NFILZ: variants seen among roughly 807,000 people sequenced by gnomAD.
NFILZ encodes the protein NFIL3 like protein.
In NFILZ at chr19:8,680,897, T is replaced by C. The variant is rs2043143311; in HGVS notation, c.*3262T>C. On this transcript the variant is annotated 3_prime_UTR_variant, in exon 6 of 6. Transcript: ENST00000691075. Reference sequence around the variant, plus strand: ...CCTGAGGTGGGATAGTGCCTAGTGTTTTGAGGAAGATTGAGGAGGCCCATG... The same window carrying C: ...CCTGAGGTGGGATAGTGCCTAGTGTCTTGAGGAAGATTGAGGAGGCCCATG... Among the ~76,000 whole-genome samples the C allele has an allele frequency of 6.6e-6, 1 of 151,744 alleles. No homozygotes were observed.
At chr19:8,661,929 G>A (rs2043033572) in intron 3 of NFILZ, among the ~76,000 whole-genome samples, 1 of 152,078 alleles carries the variant, frequency 6.6e-6, no homozygotes, top group African/African-American at 2.4e-5. Context: ...GCCAGGCGAG[G>A]TGGTTCACAC....
chr19:8,659,708 A>G (rs1356810537), intron 3 of NFILZ, among the ~76,000 whole-genome samples: 2 of 152,166 alleles, frequency 1.3e-5, no homozygotes, highest in African/African-American at 4.8e-5. Context: ...AATGAGTTGG[A>G]TGATGCCAAC....
chr19:8,647,795 G>GCGCA (rs1189605746), intron 3 of NFILZ, among the ~76,000 whole-genome samples: 153 of 76,330 alleles, frequency 2.0e-3, no homozygotes, highest in East Asian at 9.8e-3. Flanking sequence ...GCGCGCGCGC[G>GCGCA]CACACACACA....
chr19:8,663,106 C>A (rs1555749321), intron 3 of NFILZ, among the ~76,000 whole-genome samples: 1 of 151,834 alleles, frequency 6.6e-6, no homozygotes, highest in East Asian at 1.9e-4. Flanking sequence ...TGTCACCATG[C>A]CTGGGTTTTG....
chr19:8,667,002 G>C (rs1373559740), intron 3 of NFILZ, among the ~76,000 whole-genome samples: 5 of 148,562 alleles, frequency 3.4e-5, no homozygotes, highest in Non-Finnish European at 1.5e-5. Flanking sequence ...CTCCTGCCTC[G>C]GCCTCCCAAA....
At chr19:8,670,162 G>A (rs2043080164) in intron 3 of NFILZ, among the ~76,000 whole-genome samples, 1 of 151,790 alleles carries the variant, frequency 6.6e-6, no homozygotes, top group African/African-American at 2.4e-5. Context: ...GAGTGCAGTG[G>A]TACATCACAG....
chr19:8,634,890 CAAACAAACAAACA>C (rs1183175677), intron 2 of NFILZ, among the ~76,000 whole-genome samples: 2 of 151,016 alleles, frequency 1.3e-5, no homozygotes, highest in Non-Finnish European at 3.0e-5. Flanking sequence ...AACAAACAAA[CAAACAAACAAACA>C]AAAAAACAAA....
chr19:8,648,945 T>A (rs2042953888), intron 3 of NFILZ, among the ~76,000 whole-genome samples: 1 of 152,102 alleles, frequency 6.6e-6, no homozygotes, highest in Admixed American at 6.6e-5. Flanking sequence ...CACCCTATAA[T>A]TAAGCATATT....
At chr19:8,649,869 C>T (rs2042957365) in intron 3 of NFILZ, among the ~76,000 whole-genome samples, 1 of 151,804 alleles carries the variant, frequency 6.6e-6, no homozygotes. Context: ...AATCCCAGCA[C>T]TTTGGGAGGC....
At chr19:8,658,664 TATTCATTC>T (rs112446704) in intron 3 of NFILZ, among the ~76,000 whole-genome samples, 140,182 of 151,054 alleles carry the variant, frequency 0.93, 65,369 homozygotes, top group Non-Finnish European at 0.98. Context: ...GAGAGGATTC[TATTCATTC>T]ATTCATTCAT....
chr19:8,636,521 C>T (rs1477717437), intron 3 of NFILZ, among the ~76,000 whole-genome samples: 2 of 148,388 alleles, frequency 1.3e-5, no homozygotes, highest in African/African-American at 4.9e-5. Context: ...CTCGGCTCAC[C>T]GCAACCTCTG....
intron 3 of NFILZ, among the ~76,000 whole-genome samples, chr19:8,672,303 CA>C (rs201976806): frequency 3.3e-5 from 5 of 151,376 alleles, no homozygotes; most frequent in South Asian, 2.1e-4. Flanking sequence ...TTAGTTCATT[CA>C]AAAAAAATCC....
At chr19:8,657,648 C>T (rs1438447696) in intron 3 of NFILZ, among the ~76,000 whole-genome samples, 7 of 152,202 alleles carry the variant, frequency 4.6e-5, no homozygotes, top group East Asian at 1.9e-4. Context: ...AATCTCTCTC[C>T]GTCTCTACCT....
At chr19:8,633,890 CCTTCCTT>C (rs1568416455) in intron 2 of NFILZ, among the ~76,000 whole-genome samples, 93 of 105,740 alleles carry the variant, frequency 8.8e-4, no homozygotes, top group Admixed American at 2.6e-3. Flanking sequence ...TTCCTTCCTT[CCTTCCTT>C]CCTTCCTTCC....
Position 8,678,831 on chromosome 19 carries a change from A to T in NFILZ, c.*1196A>T, listed in dbSNP as rs575611097. Among the ~76,000 whole-genome samples, 38 of 152,242 alleles carry T rather than the reference A, an allele frequency of 2.5e-4. No homozygotes were observed. Among genetic ancestry groups the T allele is most frequent in the African/African-American group, 8.7e-4 (36 of 41,536 alleles). ...TTGTCCCCTCACCCACCCACTCACGATCTTTAGACCTTCCTTTTGTGCCCA... is the reference window on the plus strand; with the variant it reads ...TTGTCCCCTCACCCACCCACTCACGTTCTTTAGACCTTCCTTTTGTGCCCA... On this transcript the variant is annotated 3_prime_UTR_variant, in exon 6 of 6. Coordinates refer to ENST00000691075, the MANE Select transcript of NFILZ (RefSeq NM_001378600.1).
chr19:8,647,795 G>GCGCGCGCA (rs1189605746), intron 3 of NFILZ, among the ~76,000 whole-genome samples: 2 of 76,302 alleles, frequency 2.6e-5, no homozygotes, highest in African/African-American at 1.1e-4. Context: ...GCGCGCGCGC[G>GCGCGCGCA]CACACACACA....
rs1467636883 is a variant in NFILZ, at chr19:8,677,361, T to A, written c.596T>A (p.Leu199His). 2.0e-5 allele frequency among the ~76,000 whole-genome samples: 3 copies of A among 152,118 alleles called. No individual in the cohort carries two copies. The highest frequency in any genetic ancestry group is 4.4e-5 in the Non-Finnish European group (3 of 68,016). The change falls in exon 6 of 6, where the codon CTC becomes CAC. Residue 199 changes from leucine (L) to histidine (H), a missense_variant. By Grantham distance (99) the Leu-to-His change is moderately conservative. Coordinates refer to ENST00000691075, the MANE Select transcript of NFILZ (RefSeq NM_001378600.1). ...ALPPALFSCH[L>H]LEGHVGSRPE... ...CCACCTGCCCTCTTCAGCTGTCACC[T>A]CTTGGAGGGGCATGTAGGGTCCAGA... is the stretch of plus-strand genomic sequence containing the variant.
At position 8,680,301 on chromosome 19, in the gene NFILZ, TC is replaced by T. The variant is rs1555751315; in HGVS notation, c.*2667del. 3.4e-3 allele frequency among the ~76,000 whole-genome samples: 110 copies of T among 32,772 alleles called. No individual in the cohort carries two copies. Among genetic ancestry groups the T allele is most frequent in the African/African-American group, 0.022 (106 of 4,910 alleles). 21.5% of individuals were successfully genotyped at this position (32,772 alleles called of 152,430 possible). On this transcript the variant is annotated 3_prime_UTR_variant, in exon 6 of 6. Coordinates refer to ENST00000691075, the MANE Select transcript of NFILZ (RefSeq NM_001378600.1). ...TTGTGGCTCAGCTATAACAGCATTT[TC>T]ATTCATTCATTCATTCATTCATTCA...
intron 3 of NFILZ, among the ~76,000 whole-genome samples, chr19:8,649,275 T>TA (rs2146145902): frequency 1.2e-5 from 1 of 85,696 alleles, no homozygotes; most frequent in Non-Finnish European, 2.2e-5. Flanking sequence ...AATTAAGCAA[T>TA]TTTTTTTTGA....
Sources: allele counts gnomAD v4.1 joint callset (sites outside exome capture counted in the v4.1 genomes callset), GRCh38; gene constraint gnomAD v4.1.1; transcripts MANE v1.5; gene names NCBI Gene and HGNC (gene_info 2026-07-23, HGNC 2026-07-21).